CACNB2: variants seen among roughly 807,000 people sequenced by gnomAD.
The protein encoded by CACNB2 is voltage-dependent L-type calcium channel subunit beta-2.
Under a neutral mutation model 73.3 loss-of-function variants are expected in CACNB2, and 42 were observed. The ratio of observed to expected loss-of-function variants is 0.57; its 90% CI spans 0.45 to 0.74. The LOEUF (loss-of-function observed/expected upper bound fraction) is 0.74. Ranked by LOEUF, CACNB2 falls within the 30% of genes least tolerant of loss-of-function variation. The pLI, the probability that CACNB2 is intolerant of heterozygous loss-of-function variation, is 0.00. For synonymous variants in CACNB2, 348 were observed against 310.3 expected (o/e 1.12, Z -1.28); for missense variants, 940 against 853.0 (o/e 1.10, Z -1.27).
At chr10:18,473,717 G>A (rs2048303784) in intron 3 of CACNB2, among the ~76,000 whole-genome samples, 1 of 152,198 alleles carries the variant, frequency 6.6e-6, no homozygotes, top group African/African-American at 2.4e-5. Flanking sequence ...AATAGCCGAA[G>A]TGAAGAAGGA....
intron 2 of CACNB2, among the ~76,000 whole-genome samples, chr10:18,325,790 C>T (rs2040567865): frequency 6.7e-6 from 1 of 149,788 alleles, no homozygotes; most frequent in South Asian, 2.2e-4. Flanking sequence ...TATCACACAG[C>T]CTGGAGTATA....
At chr10:18,154,005 A>T (rs1231927500) in intron 2 of CACNB2, among the ~76,000 whole-genome samples, 2 of 151,732 alleles carry the variant, frequency 1.3e-5, no homozygotes, top group Admixed American at 6.6e-5. Context: ...TAGCTAGGGA[A>T]CATATATAAT....
At chr10:18,202,660 T>C (rs1209697699) in intron 2 of CACNB2, among the ~76,000 whole-genome samples, 3 of 152,228 alleles carry the variant, frequency 2.0e-5, no homozygotes, top group Non-Finnish European at 2.9e-5. Context: ...GGCCGCCCAA[T>C]GGCATGAATT....
intron 2 of CACNB2, among the ~76,000 whole-genome samples, chr10:18,203,307 G>A (rs1044111913): frequency 1.7e-4 from 26 of 152,224 alleles, no homozygotes; most frequent in African/African-American, 3.9e-4. Flanking sequence ...TTTACAAGCC[G>A]GGCAGGTTAG....
At chr10:18,175,991 A>G (rs1202982001) in intron 2 of CACNB2, among the ~76,000 whole-genome samples, 4 of 152,232 alleles carry the variant, frequency 2.6e-5, no homozygotes, top group Admixed American at 6.5e-5. Flanking sequence ...TAGGAACCTG[A>G]GAGCAGTGAG....
At chr10:18,407,842 A>T (rs1030536500) in intron 3 of CACNB2, among the ~76,000 whole-genome samples, 2 of 152,142 alleles carry the variant, frequency 1.3e-5, no homozygotes, top group Non-Finnish European at 2.9e-5. Context: ...TTTATTCCAT[A>T]GCCATAATAT....
At chr10:18,315,515 A>AAC (rs1564429230) in intron 2 of CACNB2, among the ~76,000 whole-genome samples, 4 of 132,058 alleles carry the variant, frequency 3.0e-5, no homozygotes, top group African/African-American at 8.6e-5. Flanking sequence ...AAAAAAAAAA[A>AAC]AAAAAAAAAA....
At chr10:18,453,882 G>A (rs1314149791) in intron 3 of CACNB2, among the ~76,000 whole-genome samples, 1 of 152,132 alleles carries the variant, frequency 6.6e-6, no homozygotes, top group African/African-American at 2.4e-5. Flanking sequence ...TCATTTGCCT[G>A]CCTGAGCCTC....
chr10:18,382,922 G>A (rs1176970395), intron 2 of CACNB2, among the ~76,000 whole-genome samples: 1 of 152,144 alleles, frequency 6.6e-6, no homozygotes, highest in Admixed American at 6.5e-5. Flanking sequence ...GGATTGCTGG[G>A]TTAAATGGCA....
rs7922395 is a variant in CACNB2 at position 18,290,175 on chromosome 10, G to A, written c.214-111749G>A. Among the ~76,000 whole-genome samples the A allele has an allele frequency of 5.4e-3, 640 of 118,798 alleles. 7 individuals are homozygous for A. Among genetic ancestry groups the A allele is most frequent in the African/African-American group, 0.019 (589 of 30,940 alleles). 77.9% of individuals were successfully genotyped at this position (118,798 alleles called of 152,430 possible). ...CCTAAGTAGCTGGGACTATAAGCGC[G>A]CGCCACCATGCCTGGCTAATTTTTG... On this transcript the variant is annotated intron_variant, in intron 2 of 13. Coordinates refer to ENST00000324631, the MANE Select transcript of CACNB2 (RefSeq NM_201596.3).
In CACNB2 at chr10:18,538,159, C is replaced by A. The variant is rs76563114; in HGVS notation, c.1303-21C>A. On this transcript the variant is annotated intron_variant, in intron 12 of 13. Transcript: ENST00000324631. ...AAAACTGGGCTGGCATCAATGTGGT[C>A]TGGAATGTCTGCCTCTGCAGGAGCT... is the stretch of plus-strand genomic sequence containing the variant. 8.1e-4 allele frequency: 1,311 copies of A among 1,613,838 alleles called. 11 individuals are homozygous for A. In the African/African-American group the frequency reaches 0.015, roughly 19 times the overall value.
intron 7 of CACNB2, 61 bp from the exon 8 acceptor site, chr10:18,518,275 C>T (rs1292318835): frequency 8.8e-7 from 1 of 1,137,244 alleles, no homozygotes; most frequent in Non-Finnish European, 1.3e-6. Flanking sequence ...GTACCTTATA[C>T]ACAAAATATT....
intron 2 of CACNB2, among the ~76,000 whole-genome samples, chr10:18,166,177 A>G (rs1247761369): frequency 6.6e-6 from 1 of 152,236 alleles, no homozygotes; most frequent in Non-Finnish European, 1.5e-5. Context: ...TCTAGGATAA[A>G]TGAACAGTGA....
intron 3 of CACNB2, among the ~76,000 whole-genome samples, chr10:18,437,473 G>A (rs2046196466): frequency 6.6e-6 from 1 of 152,178 alleles, no homozygotes; most frequent in Non-Finnish European, 1.5e-5. Context: ...TATTTTGTGT[G>A]TTATATACTG....
intron 2 of CACNB2, among the ~76,000 whole-genome samples, chr10:18,154,605 T>C (rs1300282071): frequency 1.3e-5 from 2 of 152,144 alleles, no homozygotes; most frequent in Non-Finnish European, 2.9e-5. Context: ...GTAGCTGGGA[T>C]TACAGGTGTG....
At chr10:18,412,426 T>G (rs2044686577) in intron 3 of CACNB2, among the ~76,000 whole-genome samples, 2 of 152,198 alleles carry the variant, frequency 1.3e-5, no homozygotes, top group Admixed American at 6.5e-5. Context: ...TTTCCCTTCT[T>G]TCTACTGCCA....
intron 2 of CACNB2, among the ~76,000 whole-genome samples, chr10:18,308,012 A>ATTTTTTTTTTTTTTTTTTTTTTTTTT (rs2039810409): frequency 5.6e-5 from 1 of 17,802 alleles, no homozygotes; most frequent in African/African-American, 4.4e-4. Context: ...TTTTTTTTTG[A>ATTTTTTTTTTTTTTTTTTTTTTTTTT]GGTAGAGTCT....
chr10:18,142,584 C>A (rs1239114135), intron 1 of CACNB2, among the ~76,000 whole-genome samples: 1 of 152,190 alleles, frequency 6.6e-6, no homozygotes, highest in Non-Finnish European at 1.5e-5. Context: ...TGCCTTTGAT[C>A]TTCCTTGAGG....
intron 3 of CACNB2, among the ~76,000 whole-genome samples, chr10:18,443,465 C>T (rs1198380215): frequency 1.3e-5 from 2 of 152,060 alleles, no homozygotes; most frequent in African/African-American, 2.4e-5. Flanking sequence ...CCGGGCTTCT[C>T]CTGCTATGGG....
Sources: gnomAD v4.1 joint callset for allele counts (sites outside exome capture counted in the v4.1 genomes callset) on GRCh38, gnomAD v4.1.1 for gene constraint, MANE v1.5 for transcripts, NCBI Gene and HGNC (gene_info 2026-07-23, HGNC 2026-07-21) for gene names.